SMARCAL1: variants seen among roughly 807,000 people sequenced by gnomAD.
The protein encoded by SMARCAL1 is SNF2 related chromatin remodeling annealing helicase 1, also known as ATP-driven annealing helicase.
A neutral mutation model predicts 94.5 loss-of-function variants in SMARCAL1; 58 were observed. That is an observed-to-expected ratio of 0.61 (90% CI 0.50 to 0.76). The LOEUF is 0.76. Among genes scored for constraint, SMARCAL1 ranks in the 30% least tolerant of loss-of-function variants. The pLI is 0.00. For missense variants in SMARCAL1, 1,051 were observed against 1,177.9 expected, an observed-to-expected ratio of 0.89 and a Z score of 1.58; for synonymous variants, 422 against 455.1, an observed-to-expected ratio of 0.93 and a Z score of 0.93.
At chr2:216,453,618 T>A (rs1267225558) in intron 12 of SMARCAL1, among the ~76,000 whole-genome samples, 1 of 152,232 alleles carries the variant, frequency 6.6e-6, no homozygotes, top group East Asian at 1.9e-4. Flanking sequence ...TATGAAATCC[T>A]GAGTTGGAAG....
In SMARCAL1 at chr2:216,414,674, G is replaced by T; in HGVS notation, c.-31G>T. On this transcript the variant is annotated 5_prime_UTR_variant, in exon 3 of 18. Coordinates refer to ENST00000357276, the MANE Select transcript of SMARCAL1 (RefSeq NM_014140.4). ...TTTGCCAACTTTCCAATTAAAGGTT[G>T]ACATTCCTGCATAAGCATTTCTCTG... The T allele has an allele frequency of 1.3e-6, 2 of 1,597,158 alleles. No homozygotes were observed. Among genetic ancestry groups the T allele is most frequent in the South Asian group, 1.1e-5 (1 of 90,514 alleles).
Position 216,482,987 on chromosome 2 carries a change from A to C in SMARCAL1, c.*10A>C. The C allele has an allele frequency of 6.2e-7, 1 of 1,611,676 alleles. No individual in the cohort carries two copies. The highest frequency in any genetic ancestry group is 8.5e-7 in the Non-Finnish European group (1 of 1,179,510). On this transcript the variant is annotated 3_prime_UTR_variant, in exon 18 of 18. Transcript: ENST00000357276. This position sits in a 1 kb window ranked among gnomAD's most constrained non-coding sequence, Gnocchi z 4.3. The stretch of plus-strand genomic sequence containing the variant: ...TACGTCTCCCCTGTAAAAGGGGCAA[A>C]AAGAAAAAAATAAAAAGCATTTTAA...
chr2:216,449,679 C>T (rs999863220), intron 11 of SMARCAL1, among the ~76,000 whole-genome samples: 3 of 152,142 alleles, frequency 2.0e-5, no homozygotes, highest in Non-Finnish European at 4.4e-5. Context: ...AAAACCTAGC[C>T]CCTACCCTCA....
At chr2:216,429,175 G>A (rs779419452) in intron 7 of SMARCAL1, among the ~76,000 whole-genome samples, 18 of 152,176 alleles carry the variant, frequency 1.2e-4, no homozygotes, top group Admixed American at 4.6e-4. Context: ...AGCTCGGGCC[G>A]CCAGGGGCTT....
intron 1 of SMARCAL1, 40 bp downstream of exon 1, chr2:216,412,688 G>A (rs1270819868): frequency 6.5e-6 from 1 of 153,680 alleles, no homozygotes; most frequent in Non-Finnish European, 1.4e-5. Context: ...GGCGGAGGCG[G>A]ACGAGACCAA....
chr2:216,426,055 T>C (rs1451084471), intron 6 of SMARCAL1, among the ~76,000 whole-genome samples: 1 of 152,130 alleles, frequency 6.6e-6, no homozygotes, highest in Non-Finnish European at 1.5e-5. Context: ...AGAGATGGGG[T>C]TTTGCCATGT....
intron 13 of SMARCAL1, among the ~76,000 whole-genome samples, chr2:216,467,470 CA>C (rs34678979): frequency 0.059 from 2,799 of 47,786 alleles, 36 homozygotes; most frequent in African/African-American, 0.14. Flanking sequence ...AACTCAGTCT[CA>C]AAAAAAAAAA....
At chr2:216,468,070 A>T (rs764566464) in intron 14 of SMARCAL1, 24 bp downstream of exon 14, 1 of 1,528,942 alleles carries the variant, frequency 6.5e-7, no homozygotes, top group Non-Finnish European at 9.1e-7. Flanking sequence ...GAAATTCACC[A>T]TGGGCTACTT....
chr2:216,480,907 AG>A (rs1207607657), intron 17 of SMARCAL1, among the ~76,000 whole-genome samples: 5 of 152,176 alleles, frequency 3.3e-5, no homozygotes, highest in Non-Finnish European at 5.9e-5. Flanking sequence ...AAAGATCTGT[AG>A]GCTGTTTGAA....
intron 8 of SMARCAL1, among the ~76,000 whole-genome samples, chr2:216,434,330 C>G (rs1694028010): frequency 6.6e-6 from 1 of 152,074 alleles, no homozygotes; most frequent in African/African-American, 2.4e-5. Context: ...CTCAGATTGC[C>G]AGAGAGAGAA....
At chr2:216,473,377 T>C (rs1397029039) in intron 14 of SMARCAL1, among the ~76,000 whole-genome samples, 1 of 151,934 alleles carries the variant, frequency 6.6e-6, no homozygotes, top group Non-Finnish European at 1.5e-5. Context: ...TTTTTTTTTT[T>C]TTCTTTTTTG....
Position 216,447,034 on chromosome 2 carries a change from T to C in SMARCAL1, c.1727T>C (p.Ile576Thr), listed in dbSNP as rs138819354. Residue 576 changes from isoleucine to threonine, a missense_variant, in exon 11 of 18, where the codon ATC (isoleucine) becomes ACC (threonine). By Grantham distance (89) the Ile-to-Thr change is moderately conservative. Coordinates refer to ENST00000357276, the MANE Select transcript of SMARCAL1 (RefSeq NM_014140.4). ...MPVLKVAKRVILLSGTPAMSR... is the reference protein window; with the variant it reads ...MPVLKVAKRVTLLSGTPAMSR... Reference sequence around the variant, plus strand: ...GTCTTTTAGGTTGCCAAGAGGGTGATCCTGTTGTCGGGCACACCAGCCATG... The same window carrying C: ...GTCTTTTAGGTTGCCAAGAGGGTGACCCTGTTGTCGGGCACACCAGCCATG... 105 of 1,613,998 alleles carry C rather than the reference T, an allele frequency of 6.5e-5. No homozygotes were observed. The African/African-American group carries it at 1.3e-3, about 19-fold the overall frequency.
intron 12 of SMARCAL1, among the ~76,000 whole-genome samples, chr2:216,459,002 A>G (rs1409537909): frequency 6.6e-6 from 1 of 152,188 alleles, no homozygotes; most frequent in Non-Finnish European, 1.5e-5. Context: ...ATACAAAATC[A>G]ATGTGCAAAA....
In SMARCAL1 at chr2:216,412,641, C is replaced by CT. The variant is rs1183715989; in HGVS notation, c.-102dup. The CT allele has an allele frequency of 1.3e-5, 2 of 152,906 alleles. No homozygotes were observed. The highest frequency in any genetic ancestry group is 2.9e-5 in the Non-Finnish European group (2 of 68,618). 9.5% of individuals were successfully genotyped at this position (152,906 alleles called of 1,614,324 possible). ...GGCGAATGTGGCTCGCGTTCTAGGC[C>CT]TCCCTGGGTGAGAAAGTGGTAGACT... On this transcript the variant is annotated 5_prime_UTR_variant, in exon 1 of 18. Coordinates refer to ENST00000357276, the MANE Select transcript of SMARCAL1 (RefSeq NM_014140.4).
chr2:216,458,951 A>G (rs921505758), intron 12 of SMARCAL1, among the ~76,000 whole-genome samples: 5 of 152,202 alleles, frequency 3.3e-5, no homozygotes, highest in African/African-American at 1.2e-4. Flanking sequence ...CTCAGCCCCA[A>G]ATCTCCTTAA....
chr2:216,437,781 C>CTAT (rs1188846409), intron 9 of SMARCAL1, among the ~76,000 whole-genome samples: 2 of 150,046 alleles, frequency 1.3e-5, no homozygotes, highest in East Asian at 2.0e-4. Flanking sequence ...TAAAGAAAAA[C>CTAT]AAACTATATA....
At position 216,477,027 on chromosome 2, in the gene SMARCAL1, G is replaced by A. The variant is rs1334232243; in HGVS notation, c.2428-82G>A. On this transcript the variant is annotated intron_variant, in intron 15 of 17. Transcript: ENST00000357276. ...GAGGGTTGTGGTGGGACTGGAAATG[G>A]GGTGGAGAGGAACCATACCTGCTAT... 3.7e-5 allele frequency: 40 copies of A among 1,092,208 alleles called. No individual in the cohort carries two copies. In the East Asian group the frequency reaches 1.0e-3, roughly 28 times the overall value. The allele number at this position is 1,092,208 out of a possible 1,614,324, so 67.7% of individuals were successfully genotyped here.
chr2:216,432,870 T>G lies in SMARCAL1; in HGVS notation c.1485+2T>G. 6.2e-7 allele frequency: 1 copy of G among 1,614,150 alleles called. No individual in the cohort carries two copies. The highest frequency in any genetic ancestry group is 8.5e-7 in the Non-Finnish European group (1 of 1,180,036). On this transcript the variant is annotated splice_donor_variant, in intron 8 of 17. Coordinates refer to ENST00000357276, the MANE Select transcript of SMARCAL1 (RefSeq NM_014140.4). LOFTEE classifies it high-confidence loss of function. ...TCCGTGCGCTTCACCTGGGAGCAGG[T>G]TAATGGTCTTCAAATTGCAGTTTTC...
chr2:216,472,886 T>C lies in SMARCAL1; in HGVS notation c.2245-2383T>C, dbSNP rs367864495. 2.6e-5 allele frequency among the ~76,000 whole-genome samples: 4 copies of C among 152,244 alleles called. No individual in the cohort carries two copies. In the South Asian group the frequency reaches 6.2e-4, roughly 24 times the overall value. Reference sequence around the variant, plus strand: ...ATGGACATGCTAATACATTAGTTATTGGAAAGCAATTTGGCAATAATATCA... The same window carrying C: ...ATGGACATGCTAATACATTAGTTATCGGAAAGCAATTTGGCAATAATATCA... On this transcript the variant is annotated intron_variant, in intron 14 of 17. Coordinates refer to ENST00000357276, the MANE Select transcript of SMARCAL1 (RefSeq NM_014140.4).
Sources: gnomAD v4.1 joint callset for allele counts (sites outside exome capture counted in the v4.1 genomes callset) on GRCh38, gnomAD v4.1.1 for gene constraint, Gnocchi (gnomAD v3.1) non-coding constraint, MANE v1.5 for transcripts, NCBI Gene and HGNC (gene_info 2026-07-23, HGNC 2026-07-21) for gene names.